Variants in ATP10B observed in about 807,000 individuals in gnomAD.
ATP10B encodes ATPase phospholipid transporting 10B (putative), also known as phospholipid-transporting ATPase VB.
In ATP10B, 122 loss-of-function variants were observed where a neutral mutation model predicts 141.2. The observed-to-expected ratio is 0.86, with a 90% CI of 0.75 to 1.00. The LOEUF (loss-of-function observed/expected upper bound fraction) is 1.00. ATP10B is among the 50% of genes least tolerant of loss of function. The probability of loss-of-function intolerance (pLI) is 0.00; values close to 1 mark genes in which losing one functional copy is unlikely to be tolerated. For synonymous variants in ATP10B, 685 were observed against 692.0 expected (o/e 0.99, Z 0.16); for missense variants, 1,876 against 1,825.3 (o/e 1.03, Z -0.51).
upstream of ATP10B, among the ~76,000 whole-genome samples, chr5:160,853,695 A>C (rs796954434): frequency 7.9e-5 from 12 of 152,302 alleles, no homozygotes; most frequent in African/African-American, 2.9e-4. Context: ...GAAATCGTAA[A>C]TACTAACAGA....
At chr5:160,866,393 G>T in the ATP10B span, among the ~76,000 whole-genome samples, 1 of 152,202 alleles carries the variant, frequency 6.6e-6, no homozygotes, top group Middle Eastern at 3.4e-3. Context: ...GATATAATGT[G>T]CTGGGTGTGG....
chr5:160,707,893 C>T (rs977069613), intron 3 of ATP10B, among the ~76,000 whole-genome samples: 1 of 152,192 alleles, frequency 6.6e-6, no homozygotes, highest in African/African-American at 2.4e-5. Flanking sequence ...ATCAATCAGA[C>T]ACTACAAGCT....
the ATP10B span, among the ~76,000 whole-genome samples, chr5:160,900,127 T>C: frequency 6.6e-6 from 1 of 152,134 alleles, no homozygotes; most frequent in South Asian, 2.1e-4. Context: ...GCCATCCCAG[T>C]CACCTCTCCT....
chr5:160,790,786 G>A (rs943967534), intron 1 of ATP10B, among the ~76,000 whole-genome samples: 1 of 152,116 alleles, frequency 6.6e-6, no homozygotes, highest in Admixed American at 6.6e-5. Context: ...TACATCACAT[G>A]GCAAAGGGAA....
At chr5:160,892,171 C>T in the ATP10B span, among the ~76,000 whole-genome samples, 5 of 152,226 alleles carry the variant, frequency 3.3e-5, no homozygotes, top group African/African-American at 1.2e-4. Context: ...GGCTTTTCAT[C>T]GCATTTAGAC....
At position 160,606,786 on chromosome 5, in the gene ATP10B, G is replaced by A. The variant is rs370681181; in HGVS notation, c.3139C>T (p.Arg1047Cys). 121 of 1,613,740 alleles carry A rather than the reference G, an allele frequency of 7.5e-5. No individual in the cohort carries two copies. The South Asian group carries it at 1.0e-3, about 13-fold the overall frequency. The change falls in exon 19 of 26, where the codon CGC (arginine) becomes TGC (cysteine). Residue 1047 changes from arginine (R) to cysteine (C), a missense_variant. By Grantham distance (180) the Arg-to-Cys change is radical. Coordinates refer to ENST00000327245, the MANE Select transcript of ATP10B (RefSeq NM_025153.3). Reference protein sequence around the residue: ...MIVKLVRDKLRVMTLSIGDGA... With the variant: ...MIVKLVRDKLCVMTLSIGDGA... Reference sequence around the variant, plus strand: ...GTACCTATGGAAAGGGTCATGACGCGCAACTTGTCTCGCACCAGCTTGACT... The same window carrying A: ...GTACCTATGGAAAGGGTCATGACGCACAACTTGTCTCGCACCAGCTTGACT...
intron 1 of ATP10B, among the ~76,000 whole-genome samples, chr5:160,808,724 C>T (rs1341054434): frequency 6.6e-6 from 1 of 152,150 alleles, no homozygotes; most frequent in Non-Finnish European, 1.5e-5. Flanking sequence ...CTAGGCAGAT[C>T]CTCCATTGTT....
At chr5:160,589,290 G>A (rs1756116132) in intron 24 of ATP10B, among the ~76,000 whole-genome samples, 1 of 152,158 alleles carries the variant, frequency 6.6e-6, no homozygotes, top group Non-Finnish European at 1.5e-5. Context: ...GGGATTACAG[G>A]TGTGAGCCAC....
At chr5:160,664,259 C>T (rs1561722022) in intron 7 of ATP10B, among the ~76,000 whole-genome samples, 1 of 152,184 alleles carries the variant, frequency 6.6e-6, no homozygotes, top group Non-Finnish European at 1.5e-5. Flanking sequence ...AGATAGGTTG[C>T]TACCTTTTGC....
At chr5:160,881,059 C>T in the ATP10B span, among the ~76,000 whole-genome samples, 1 of 152,062 alleles carries the variant, frequency 6.6e-6, no homozygotes, top group Admixed American at 6.6e-5. Flanking sequence ...GACTATTACC[C>T]AAAATATACA....
At chr5:160,670,945 TC>T (rs1343717861) in intron 6 of ATP10B, among the ~76,000 whole-genome samples, 8 of 151,864 alleles carry the variant, frequency 5.3e-5, no homozygotes, top group Non-Finnish European at 1.0e-4. Context: ...GGTGGGTGGA[TC>T]ATGAGGTCAG....
the ATP10B span, among the ~76,000 whole-genome samples, chr5:160,899,469 T>C: frequency 6.6e-6 from 1 of 152,182 alleles, no homozygotes; most frequent in African/African-American, 2.4e-5. Flanking sequence ...TTGGTCTTCA[T>C]TGTGGTAATG....
intron 2 of ATP10B, among the ~76,000 whole-genome samples, chr5:160,756,146 A>AT (rs76308583): frequency 1.4e-4 from 21 of 150,112 alleles, no homozygotes; most frequent in African/African-American, 2.2e-4. Context: ...TGCATTATGT[A>AT]TTTTTTTTTT....
At chr5:160,847,672 TTTC>T (rs1243281241) in intron 1 of ATP10B, among the ~76,000 whole-genome samples, 1 of 152,228 alleles carries the variant, frequency 6.6e-6, no homozygotes, top group African/African-American at 2.4e-5. Flanking sequence ...TTTTTCAGAA[TTTC>T]TTATTATTGT....
At chr5:160,757,118 T>G (rs1459619545) in intron 2 of ATP10B, among the ~76,000 whole-genome samples, 2 of 152,208 alleles carry the variant, frequency 1.3e-5, no homozygotes, top group Admixed American at 1.3e-4. Context: ...TAATTTTTGT[T>G]TATGGTATGA....
At chr5:160,796,837 G>A (rs1355232521) in intron 1 of ATP10B, among the ~76,000 whole-genome samples, 1 of 152,154 alleles carries the variant, frequency 6.6e-6, no homozygotes, top group Non-Finnish European at 1.5e-5. Flanking sequence ...GGAGGGGGAG[G>A]AAAGGGAGAA....
At chr5:160,770,270 C>T (rs549045709) in intron 2 of ATP10B, among the ~76,000 whole-genome samples, 1 of 151,892 alleles carries the variant, frequency 6.6e-6, no homozygotes, top group South Asian at 2.1e-4. Flanking sequence ...GGCTAGTTGC[C>T]CTTCCTCTGC....
the ATP10B span, among the ~76,000 whole-genome samples, chr5:160,900,621 A>G: frequency 6.6e-6 from 1 of 152,216 alleles, no homozygotes. Flanking sequence ...TATGAAATGT[A>G]TTTAATGTAG....
At chr5:160,924,624 T>G in the ATP10B span, among the ~76,000 whole-genome samples, 1 of 152,212 alleles carries the variant, frequency 6.6e-6, no homozygotes, top group Non-Finnish European at 1.5e-5. Context: ...AGTTGGAGAA[T>G]GATCCAGTAA....
Sources: allele counts gnomAD v4.1 joint callset (sites outside exome capture counted in the v4.1 genomes callset), GRCh38; gene constraint gnomAD v4.1.1; transcripts MANE v1.5; gene names NCBI Gene and HGNC (gene_info 2026-07-23, HGNC 2026-07-21).